The following MARCHF10 variants were observed in gnomAD, a reference collection of about 807,000 sequenced individuals.
MARCHF10 encodes the protein probable E3 ubiquitin-protein ligase MARCHF10.
Under a neutral mutation model 76.2 loss-of-function variants are expected in MARCHF10, and 64 were observed. That is an observed-to-expected ratio of 0.84 (90% confidence interval 0.69 to 1.03). MARCHF10 has a LOEUF of 1.03. MARCHF10 is among the 50% of genes least tolerant of loss of function. The pLI, the probability that MARCHF10 is intolerant of heterozygous loss-of-function variation, is 0.00. For missense variants in MARCHF10, 875 were observed against 958.0 expected (o/e 0.91, Z 1.14); for synonymous variants, 340 against 357.5 (o/e 0.95, Z 0.55).
At chr17:62,753,650 A>G (rs2091960638) in intron 4 of MARCHF10, among the ~76,000 whole-genome samples, 2 of 152,048 alleles carry the variant, frequency 1.3e-5, no homozygotes, top group Admixed American at 1.3e-4. Context: ...TCCTTTGCAC[A>G]CTCAGTACCT....
chr17:62,744,072 C>T (rs1568147575), intron 5 of MARCHF10, among the ~76,000 whole-genome samples: 4 of 152,130 alleles, frequency 2.6e-5, no homozygotes. Context: ...TCCAAATGCC[C>T]TCTGGAGCAG....
intron 6 of MARCHF10, chr17:62,735,445 C>T (rs562638571): frequency 2.4e-4 from 37 of 153,320 alleles, no homozygotes; most frequent in Non-Finnish European, 4.5e-4. Flanking sequence ...TTCAGAGAAC[C>T]GAGGTAACTA....
At chr17:62,743,893 G>T (rs887692371) in intron 5 of MARCHF10, among the ~76,000 whole-genome samples, 4 of 152,148 alleles carry the variant, frequency 2.6e-5, no homozygotes, top group Non-Finnish European at 5.9e-5. Flanking sequence ...GGTCAGAGGG[G>T]AGAAGATCTC....
At chr17:62,706,916 ACC>A (rs1157938869) in intron 9 of MARCHF10, among the ~76,000 whole-genome samples, 1 of 152,108 alleles carries the variant, frequency 6.6e-6, no homozygotes, top group Non-Finnish European at 1.5e-5. Context: ...ATTTAGCTTC[ACC>A]TCAAAGGTGG....
chr17:62,716,647 T>C lies in MARCHF10; in HGVS notation c.2215-5303A>G, dbSNP rs914969330. Among the ~76,000 whole-genome samples, 5 of 149,804 alleles carry C rather than the reference T, an allele frequency of 3.3e-5. No individual in the cohort carries two copies. In the East Asian group the frequency reaches 7.8e-4, roughly 23 times the overall value. ...TGTTATAAGTTATCATTTTGGGTGG[T>C]AAATTATAAGAAATTTTTGTATGGT... On this transcript the variant is annotated intron_variant, in intron 8 of 10. Transcript: ENST00000311269.
rs186573251 is a variant in MARCHF10, at chr17:62,745,313, A to G, written c.383-785T>C. ...GAGACAGGGTTTCACCATGTTGGCC[A>G]TGCTGGTCTCAAAGTCCTGACCTCA... On this transcript the variant is annotated intron_variant, in intron 4 of 10. Transcript: ENST00000311269. Among the ~76,000 whole-genome samples the G allele has an allele frequency of 2.0e-3, 298 of 152,106 alleles. 2 individuals carry two copies. The highest frequency in any genetic ancestry group is 6.8e-3 in the African/African-American group (284 of 41,520).
intron 3 of MARCHF10, among the ~76,000 whole-genome samples, chr17:62,771,751 AT>A (rs1425687924): frequency 3.3e-5 from 5 of 151,566 alleles, no homozygotes; most frequent in Admixed American, 6.6e-5. Flanking sequence ...TAATTTTTGT[AT>A]TTTTATTAGA....
chr17:62,788,432 C>G (rs1211463515), intron 3 of MARCHF10, 48 bp downstream of exon 3: 1 of 1,586,612 alleles, frequency 6.3e-7, no homozygotes, highest in Non-Finnish European at 8.6e-7. Context: ...CCACCACCAC[C>G]AGCAGCAGCA....
chr17:62,713,111 G>C (rs1020024553), intron 8 of MARCHF10, among the ~76,000 whole-genome samples: 19 of 152,058 alleles, frequency 1.2e-4, no homozygotes, highest in African/African-American at 4.6e-4. Context: ...CGACTGTCTC[G>C]CCAACCACCT....
chr17:62,785,941 A>G (rs974736218), intron 3 of MARCHF10, among the ~76,000 whole-genome samples: 1 of 152,240 alleles, frequency 6.6e-6, no homozygotes, highest in Non-Finnish European at 1.5e-5. Context: ...AGTGTAAATT[A>G]GTTCAACCAT....
At chr17:62,795,836 T>C (rs2092975506) in intron 2 of MARCHF10, among the ~76,000 whole-genome samples, 1 of 152,172 alleles carries the variant, frequency 6.6e-6, no homozygotes, top group Non-Finnish European at 1.5e-5. Flanking sequence ...CTGGTCACAC[T>C]GGACCTGGAG....
chr17:62,701,440 AG>A lies in MARCHF10; in HGVS notation c.*262del, dbSNP rs749095620. ...TGGACCTGGCAGGGCTTCTGGGCTA[AG>A]GGGGCAGCACCAGGCCAGCCTGCCA... On this transcript the variant is annotated 3_prime_UTR_variant, in exon 11 of 11. Transcript: ENST00000311269. 7.3e-5 allele frequency: 52 copies of A among 716,476 alleles called. No individual in the cohort carries two copies. Among genetic ancestry groups the A allele is most frequent in the Non-Finnish European group, 1.1e-4 (50 of 463,398 alleles). 44.4% of individuals were successfully genotyped at this position (716,476 alleles called of 1,614,324 possible).
chr17:62,759,998 A>T lies in MARCHF10; in HGVS notation c.219T>A (p.Ser73Arg), dbSNP rs1448673618. 1.9e-6 allele frequency: 3 copies of T among 1,612,774 alleles called. No homozygotes were observed. Among genetic ancestry groups the T allele is most frequent in the Admixed American group, 3.3e-5 (2 of 59,770 alleles). Residue 73 changes from serine to arginine, a missense_variant, in exon 4 of 11, where the codon AGT becomes AGA. Ser to Arg is a moderately radical substitution (Grantham distance 110). Coordinates refer to ENST00000311269, the MANE Select transcript of MARCHF10 (RefSeq NM_152598.4). The stretch of plus-strand genomic sequence containing the variant: ...TTGGTTCAGTTAGAGCATCCTCCTC[A>T]CTAGAACTCTACCAAAAATGAAATA... ...SSRSSSKQSS[S>R]EEDALTEPRS... is the part of the protein sequence containing the mutation.
chr17:62,744,404 A>T lies in MARCHF10; in HGVS notation c.507T>A (p.Pro169=). The part of the protein sequence containing the change: ...GDRSRQKQQW[P]AKVPVPRGAD... ...CTCCCCTGGGAACCGGCACCTTTGC[A>T]GGCCACTGCTGTTTCTGTCTGCTTC... The change falls in exon 5 of 11, where the codon CCT becomes CCA. Residue 169 remains proline (P), a synonymous_variant. Transcript: ENST00000311269. 6.2e-7 allele frequency: 1 copy of T among 1,614,110 alleles called. No individual in the cohort carries two copies. The highest frequency in any genetic ancestry group is 8.5e-7 in the Non-Finnish European group (1 of 1,180,014).
At chr17:62,726,732 G>T (rs1042603189) in intron 6 of MARCHF10, among the ~76,000 whole-genome samples, 1 of 152,160 alleles carries the variant, frequency 6.6e-6, no homozygotes, top group Non-Finnish European at 1.5e-5. Context: ...GGATTCAAGC[G>T]ATTCTCCTGC....
At chr17:62,723,533 C>T (rs1448966161) in intron 7 of MARCHF10, among the ~76,000 whole-genome samples, 2 of 115,780 alleles carry the variant, frequency 1.7e-5, no homozygotes, top group Non-Finnish European at 3.5e-5. Flanking sequence ...AGGAAGTAAT[C>T]CCTTATCTGC....
rs1204845846 is a variant in MARCHF10, at chr17:62,738,651, A to G, written c.536-1319T>C. On this transcript the variant is annotated intron_variant, in intron 5 of 10. Coordinates refer to ENST00000311269, the MANE Select transcript of MARCHF10 (RefSeq NM_152598.4). This position sits in a 1 kb window ranked among gnomAD's most constrained non-coding sequence, Gnocchi z 4.0. ...ATCGGGCACCACCAAGGGCCAAGTC[A>G]ATTCTGGCTCACTTTAATTGGGGCT... 2.0e-5 allele frequency among the ~76,000 whole-genome samples: 3 copies of G among 152,146 alleles called. No homozygotes were observed. Among genetic ancestry groups the G allele is most frequent in the Non-Finnish European group, 2.9e-5 (2 of 68,030 alleles).
chr17:62,771,083 C>T (rs374656913), intron 3 of MARCHF10, among the ~76,000 whole-genome samples: 32 of 152,156 alleles, frequency 2.1e-4, no homozygotes, highest in African/African-American at 7.0e-4. Flanking sequence ...TCTTGATCTC[C>T]TGACCTCATG....
At chr17:62,743,701 T>C (rs1464494558) in intron 5 of MARCHF10, among the ~76,000 whole-genome samples, 2 of 152,130 alleles carry the variant, frequency 1.3e-5, no homozygotes, top group African/African-American at 4.8e-5. Context: ...CATGACATAA[T>C]GGGATGCTCA....
Sources: gnomAD v4.1 joint callset for allele counts (sites outside exome capture counted in the v4.1 genomes callset) on GRCh38, gnomAD v4.1.1 for gene constraint, Gnocchi (gnomAD v3.1) non-coding constraint, MANE v1.5 for transcripts, NCBI Gene and HGNC (gene_info 2026-07-23, HGNC 2026-07-21) for gene names.